Variants in FAM169A observed in about 807,000 individuals in gnomAD.
The protein encoded by FAM169A is family with sequence similarity 169 member A.
A neutral mutation model predicts 75.7 loss-of-function variants in FAM169A; 24 were observed. The ratio of observed to expected loss-of-function variants is 0.32; its 90% CI spans 0.23 to 0.45. The LOEUF is 0.45. Among genes scored for constraint, FAM169A ranks in the 20% least tolerant of loss-of-function variants. The pLI is 1.00. For synonymous variants in FAM169A, 271 were observed against 271.0 expected (o/e 1.00, Z 0.00); for missense variants, 673 against 784.0 (o/e 0.86, Z 1.69).
intron 5 of FAM169A, among the ~76,000 whole-genome samples, chr5:74,820,831 T>C (rs921526125): frequency 5.9e-5 from 9 of 152,206 alleles, no homozygotes; most frequent in African/African-American, 1.2e-4. Context: ...AATTCTTTCT[T>C]TGGCCTAAAA....
chr5:74,864,358 G>A (rs1276016444), intron 1 of FAM169A, among the ~76,000 whole-genome samples: 1 of 152,186 alleles, frequency 6.6e-6, no homozygotes. Flanking sequence ...AGCCTCCCGA[G>A]TAGCTGGGAT....
chr5:74,803,783 C>T (rs1746711259), intron 8 of FAM169A, among the ~76,000 whole-genome samples: 1 of 152,170 alleles, frequency 6.6e-6, no homozygotes, highest in Non-Finnish European at 1.5e-5. Flanking sequence ...AAGTGCATTA[C>T]ATTCTACAAA....
intron 1 of FAM169A, among the ~76,000 whole-genome samples, chr5:74,841,953 A>G (rs1748888881): frequency 6.6e-6 from 1 of 152,292 alleles, no homozygotes; most frequent in Non-Finnish European, 1.5e-5. Context: ...TAGGCATAAG[A>G]CATATTTATA....
At chr5:74,866,571 G>T, upstream of FAM169A, 1 of 520,850 alleles carries the variant, frequency 1.9e-6, no homozygotes, top group Non-Finnish European at 2.5e-6. Context: ...GCGTCACGCG[G>T]CCCCCGCCTC....
At chr5:74,826,595 A>G (rs938967066) in intron 5 of FAM169A, among the ~76,000 whole-genome samples, 1 of 152,228 alleles carries the variant, frequency 6.6e-6, no homozygotes, top group Non-Finnish European at 1.5e-5. Flanking sequence ...GTTTCAATCA[A>G]TAATTACAGA....
Position 74,778,880 on chromosome 5 carries a change from TAA to T in FAM169A, c.*2578_*2579del, listed in dbSNP as rs1472314571. On this transcript the variant is annotated 3_prime_UTR_variant, in exon 13 of 13. Coordinates refer to ENST00000687041, the MANE Select transcript of FAM169A (RefSeq NM_001376049.1). ...TTGAAATCACATTTTCAGTCCTCTG[TAA>T]TTGTGAAATTTTTTCTAATGCCTTG... 6.6e-6 allele frequency: 1 copy of T among 152,130 alleles called. No homozygotes were observed. Among genetic ancestry groups the T allele is most frequent in the Non-Finnish European group, 1.5e-5 (1 of 67,924 alleles). 9.4% of individuals were successfully genotyped at this position (152,130 alleles called of 1,614,324 possible).
At chr5:74,826,072 C>A (rs150077204) in intron 5 of FAM169A, among the ~76,000 whole-genome samples, 1 of 152,104 alleles carries the variant, frequency 6.6e-6, no homozygotes, top group African/African-American at 2.4e-5. Flanking sequence ...TATTTACCAT[C>A]ATTTAGGTTT....
intron 1 of FAM169A, among the ~76,000 whole-genome samples, chr5:74,850,331 C>T (rs184393535): frequency 6.6e-5 from 10 of 152,252 alleles, no homozygotes; most frequent in South Asian, 4.1e-4. Context: ...AGCCCTAATA[C>T]GGTTAAAGAT....
Position 74,834,606 on chromosome 5 carries a change from A to T in FAM169A, c.319-9T>A, listed in dbSNP as rs756423532. 1 of 1,518,844 alleles carries T rather than the reference A, an allele frequency of 6.6e-7. No homozygotes were observed. The highest frequency in any genetic ancestry group is 1.4e-5 in the South Asian group (1 of 72,830). The allele number at this position is 1,518,844 out of a possible 1,614,324, so 94.1% of individuals were successfully genotyped here. ...TCCCCAAGAGTGCTCACCTACAAAG[A>T]GAGTCAAACACCAGGCACAGCAGTT... On this transcript the variant is annotated splice_polypyrimidine_tract_variant and intron_variant, in intron 4 of 12. Transcript: ENST00000687041.
intron 11 of FAM169A, among the ~76,000 whole-genome samples, chr5:74,785,796 T>C (rs1745667329): frequency 6.6e-6 from 1 of 152,148 alleles, no homozygotes; most frequent in Non-Finnish European, 1.5e-5. Context: ...TAGTTTCCTA[T>C]CAAATAGTGG....
chr5:74,798,540 CCA>C (rs1746395103), intron 10 of FAM169A, among the ~76,000 whole-genome samples: 1 of 151,776 alleles, frequency 6.6e-6, no homozygotes, highest in Non-Finnish European at 1.5e-5. Context: ...ACTTTATTAC[CCA>C]AATTTAAAAT....
chr5:74,781,764 T>C lies in FAM169A; in HGVS notation c.1709A>G (p.Asp570Gly). The change falls in exon 13 of 13, where the codon GAC becomes GGC. Residue 570 changes from aspartate (D) to glycine (G), a missense_variant. This residue lies in a region of FAM169A where 510 missense variants were observed against 550.9 expected (regional missense o/e 0.93). Coordinates refer to ENST00000687041, the MANE Select transcript of FAM169A (RefSeq NM_001376049.1). Reference protein sequence around the residue: ...LSPNTTSSLEDQGEEGVSEPQ... With the variant: ...LSPNTTSSLEGQGEEGVSEPQ... ...CTCAGATACCCCCTCCTCACCCTGG[T>C]CTTCCAATGAGGAAGTAGTATTAGG... 6.2e-7 allele frequency: 1 copy of C among 1,614,050 alleles called. No homozygotes were observed. Among genetic ancestry groups the C allele is most frequent in the Non-Finnish European group, 8.5e-7 (1 of 1,179,962 alleles).
intron 1 of FAM169A, among the ~76,000 whole-genome samples, chr5:74,857,985 T>C (rs1001907561): frequency 6.6e-6 from 1 of 152,174 alleles, no homozygotes; most frequent in African/African-American, 2.4e-5. Context: ...TATTTCCTCT[T>C]TCATGGTTTG....
At chr5:74,785,433 T>C (rs1561286311) in intron 11 of FAM169A, among the ~76,000 whole-genome samples, 2 of 152,352 alleles carry the variant, frequency 1.3e-5, no homozygotes, top group Non-Finnish European at 2.9e-5. Flanking sequence ...TTTTTTTCAT[T>C]TTCCCAATTT....
intron 7 of FAM169A, 51 bp downstream of exon 7, chr5:74,805,105 C>T (rs985197270): frequency 9.6e-6 from 15 of 1,558,882 alleles, no homozygotes; most frequent in Non-Finnish European, 1.2e-5. Context: ...CAAGGACAGG[C>T]TACCAAAAAT....
chr5:74,826,845 T>A (rs1043448816), intron 5 of FAM169A, among the ~76,000 whole-genome samples: 1 of 152,242 alleles, frequency 6.6e-6, no homozygotes, highest in Non-Finnish European at 1.5e-5. Flanking sequence ...TGTTCTTTTC[T>A]GTTTCAGAAT....
chr5:74,802,906 GTAAGATAAA>G (rs912127571), intron 8 of FAM169A, among the ~76,000 whole-genome samples: 12 of 152,040 alleles, frequency 7.9e-5, no homozygotes, highest in African/African-American at 2.9e-4. Context: ...TGCAAAAAGT[GTAAGATAAA>G]TAATAGGAAA....
intron 10 of FAM169A, 56 bp from the exon 11 acceptor site, chr5:74,796,242 C>G: frequency 4.8e-6 from 7 of 1,467,614 alleles, no homozygotes; most frequent in Non-Finnish European, 6.4e-6. Flanking sequence ...AATATAAAAT[C>G]TCAGAAGTCC....
intron 5 of FAM169A, among the ~76,000 whole-genome samples, chr5:74,829,022 A>C (rs544874206): frequency 1.5e-4 from 23 of 152,360 alleles, no homozygotes; most frequent in African/African-American, 3.6e-4. Context: ...CTTTGAATAC[A>C]AAGTTCTACG....
Sources: gnomAD v4.1 joint callset for allele counts (sites outside exome capture counted in the v4.1 genomes callset) on GRCh38, gnomAD v4.1.1 for gene constraint, gnomAD v4.1.1 regional missense constraint, MANE v1.5 for transcripts, NCBI Gene and HGNC (gene_info 2026-07-23, HGNC 2026-07-21) for gene names.